EPB41L4A: variants seen among roughly 807,000 people sequenced by gnomAD.
EPB41L4A encodes the protein band 4.1-like protein 4A.
Under a neutral mutation model 108.6 loss-of-function variants are expected in EPB41L4A, and 100 were observed. The observed-to-expected ratio is 0.92, with a 90% CI of 0.78 to 1.09. The LOEUF is 1.09. Ranked by LOEUF, EPB41L4A falls within the 50% of genes least tolerant of loss-of-function variation. The pLI, the probability that EPB41L4A is intolerant of heterozygous loss-of-function variation, is 0.00. For synonymous variants in EPB41L4A, 319 were observed against 289.0 expected, an observed-to-expected ratio of 1.10 and a Z score of -1.05; for missense variants, 1,030 against 842.7, an observed-to-expected ratio of 1.22 and a Z score of -2.75.
At chr5:112,251,478 G>A (rs1750661803) in intron 9 of EPB41L4A, among the ~76,000 whole-genome samples, 1 of 152,136 alleles carries the variant, frequency 6.6e-6, no homozygotes, top group African/African-American at 2.4e-5. Context: ...AACTGATACA[G>A]AATGATTTCT....
At chr5:112,262,821 A>G (rs1304872624) in intron 6 of EPB41L4A, among the ~76,000 whole-genome samples, 1 of 152,160 alleles carries the variant, frequency 6.6e-6, no homozygotes, top group African/African-American at 2.4e-5. Context: ...CCTATCCCCA[A>G]TGTCCCAGCA....
intron 1 of EPB41L4A, among the ~76,000 whole-genome samples, chr5:112,326,608 T>G (rs552678554): frequency 1.5e-4 from 23 of 152,344 alleles, no homozygotes; most frequent in Non-Finnish European, 3.4e-4. Flanking sequence ...CTTGTTCCAG[T>G]GCGCTGCTAT....
At chr5:112,417,890 T>C (rs1308244089) in intron 1 of EPB41L4A, among the ~76,000 whole-genome samples, 1 of 152,180 alleles carries the variant, frequency 6.6e-6, no homozygotes, top group African/African-American at 2.4e-5. Context: ...CCAGGAATAG[T>C]TATCCTAGTG....
chr5:112,267,636 T>A (rs1751954207), intron 4 of EPB41L4A, among the ~76,000 whole-genome samples: 1 of 151,890 alleles, frequency 6.6e-6, no homozygotes, highest in Non-Finnish European at 1.5e-5. Flanking sequence ...CTTCTCTCCA[T>A]CCCCTACACC....
At chr5:112,340,491 C>T (rs1377020805) in intron 1 of EPB41L4A, among the ~76,000 whole-genome samples, 2 of 152,136 alleles carry the variant, frequency 1.3e-5, no homozygotes, top group Non-Finnish European at 2.9e-5. Context: ...TTCTTATCTG[C>T]CTCTCTGGCC....
At chr5:112,300,581 T>G (rs1005751718) in intron 2 of EPB41L4A, among the ~76,000 whole-genome samples, 3 of 152,184 alleles carry the variant, frequency 2.0e-5, no homozygotes, top group African/African-American at 7.2e-5. Context: ...CTACTAAGAT[T>G]CTTTCCCTCA....
Position 112,234,739 on chromosome 5 carries a change from G to A in EPB41L4A, c.982C>T (p.Gln328Ter). The stretch of plus-strand genomic sequence containing the variant: ...TGAATAGAAAGATCTCGGCTCATTT[G>A]CAAAGCTGTCCTGCCACTTGAGAGT... ...KHRYSGRTALQMSRDLSIQLP... is the reference protein window; with the variant it reads ...KHRYSGRTAL Residue 328 changes from glutamine to a stop codon, truncating the protein, a stop_gained, in exon 12 of 23, where the codon CAA becomes TAA. Coordinates refer to ENST00000261486, the MANE Select transcript of EPB41L4A (RefSeq NM_022140.5). LOFTEE classifies it high-confidence loss of function. 1.2e-6 allele frequency: 2 copies of A among 1,610,710 alleles called. No individual in the cohort carries two copies. Among genetic ancestry groups the A allele is most frequent in the Non-Finnish European group, 1.7e-6 (2 of 1,177,782 alleles).
chr5:112,261,318 A>T (rs1293381830), intron 7 of EPB41L4A, among the ~76,000 whole-genome samples: 1 of 152,230 alleles, frequency 6.6e-6, no homozygotes, highest in Non-Finnish European at 1.5e-5. Context: ...CAAAAGACAT[A>T]TACAAAATGA....
chr5:112,349,842 A>C (rs1757929526), intron 1 of EPB41L4A, among the ~76,000 whole-genome samples: 1 of 152,180 alleles, frequency 6.6e-6, no homozygotes, highest in Non-Finnish European at 1.5e-5. Flanking sequence ...GTTCTGGTCA[A>C]AGAGGAATGA....
At chr5:112,369,583 G>A (rs1331264020) in intron 1 of EPB41L4A, among the ~76,000 whole-genome samples, 2 of 151,994 alleles carry the variant, frequency 1.3e-5, no homozygotes, top group Non-Finnish European at 2.9e-5. Flanking sequence ...GCACTATGCT[G>A]GTTATTTTTT....
chr5:112,254,027 A>C (rs1750885685), intron 9 of EPB41L4A, among the ~76,000 whole-genome samples: 1 of 152,168 alleles, frequency 6.6e-6, no homozygotes, highest in South Asian at 2.1e-4. Flanking sequence ...CTCATTACTC[A>C]CAGCCAGAGT....
At chr5:112,326,830 C>T (rs187334201) in intron 1 of EPB41L4A, among the ~76,000 whole-genome samples, 25 of 152,278 alleles carry the variant, frequency 1.6e-4, no homozygotes, top group African/African-American at 5.1e-4. Flanking sequence ...CTTCTACATT[C>T]AATCAAATCT....
intron 13 of EPB41L4A, among the ~76,000 whole-genome samples, chr5:112,144,627 C>T (rs17134153): frequency 0.16 from 24,405 of 152,126 alleles, 2,226 homozygotes; most frequent in African/African-American, 0.25. Context: ...GCTGAATTTA[C>T]ACCTAATCCT....
At chr5:112,191,719 C>T (rs1456637754) in intron 17 of EPB41L4A, among the ~76,000 whole-genome samples, 1 of 151,044 alleles carries the variant, frequency 6.6e-6, no homozygotes, top group South Asian at 2.1e-4. Flanking sequence ...GCAGAGGGAG[C>T]AACATCCCAA....
intron 2 of EPB41L4A, among the ~76,000 whole-genome samples, chr5:112,281,484 AG>A (rs1752962815): frequency 6.6e-6 from 1 of 152,200 alleles, no homozygotes; most frequent in Non-Finnish European, 1.5e-5. Context: ...GCTGCCCTGG[AG>A]GGTCAGGGGA....
At chr5:112,221,865 G>C (rs978835399) in intron 12 of EPB41L4A, among the ~76,000 whole-genome samples, 1 of 152,170 alleles carries the variant, frequency 6.6e-6, no homozygotes, top group Non-Finnish European at 1.5e-5. Flanking sequence ...CTCCCAAGAA[G>C]ACTGAAAACA....
At chr5:112,247,672 G>C (rs1043497398) in intron 9 of EPB41L4A, among the ~76,000 whole-genome samples, 1 of 152,090 alleles carries the variant, frequency 6.6e-6, no homozygotes, top group African/African-American at 2.4e-5. Flanking sequence ...ATATAATACA[G>C]GTCCTGAATT....
At chr5:112,329,042 C>A (rs1756377740) in intron 1 of EPB41L4A, among the ~76,000 whole-genome samples, 1 of 152,208 alleles carries the variant, frequency 6.6e-6, no homozygotes, top group South Asian at 2.1e-4. Flanking sequence ...CAGCCCTTAA[C>A]CTGAGAGCTG....
At chr5:112,210,759 T>C (rs1762698305) in intron 12 of EPB41L4A, among the ~76,000 whole-genome samples, 1 of 151,938 alleles carries the variant, frequency 6.6e-6, no homozygotes, top group Admixed American at 6.6e-5. Context: ...ACAACTCTTC[T>C]CCAGTGTGCA....
Sources: gnomAD v4.1 joint callset for allele counts (sites outside exome capture counted in the v4.1 genomes callset) on GRCh38, gnomAD v4.1.1 for gene constraint, MANE v1.5 for transcripts, NCBI Gene and HGNC (gene_info 2026-07-23, HGNC 2026-07-21) for gene names.